Variants in MGAT4A observed in about 807,000 individuals in gnomAD.
MGAT4A encodes the protein N-acetylglucosaminyltransferase IVa.
In MGAT4A, 33 loss-of-function variants were observed where a neutral mutation model predicts 74.1. The observed-to-expected ratio is 0.45, with a 90% CI of 0.34 to 0.60. MGAT4A has a LOEUF of 0.60. Ranked by LOEUF, MGAT4A falls within the 20% of genes least tolerant of loss-of-function variation. The pLI is 0.02. For missense variants in MGAT4A, 479 were observed against 628.3 expected (o/e 0.76, Z 2.54); for synonymous variants, 198 against 210.4 (o/e 0.94, Z 0.51).
chr2:98,723,571 G>C (rs989743947), intron 2 of MGAT4A, among the ~76,000 whole-genome samples: 2 of 152,160 alleles, frequency 1.3e-5, no homozygotes, highest in Admixed American at 1.3e-4. Flanking sequence ...ATCCATACAA[G>C]AACCTTGCAG....
At chr2:98,720,824 A>G (rs1008878280) in intron 2 of MGAT4A, among the ~76,000 whole-genome samples, 3 of 152,234 alleles carry the variant, frequency 2.0e-5, no homozygotes, top group African/African-American at 7.2e-5. Flanking sequence ...TAAGCACACC[A>G]CCACATGTGT....
At chr2:98,693,016 G>A (rs1296880649) in intron 2 of MGAT4A, among the ~76,000 whole-genome samples, 1 of 152,130 alleles carries the variant, frequency 6.6e-6, no homozygotes, top group Non-Finnish European at 1.5e-5. Context: ...ACAATTGAAC[G>A]TTAGAAAACT....
intron 8 of MGAT4A, among the ~76,000 whole-genome samples, chr2:98,646,229 T>C (rs895899858): frequency 4.6e-5 from 7 of 151,986 alleles, no homozygotes; most frequent in African/African-American, 1.7e-4. Flanking sequence ...TAAAATAAAA[T>C]ACACTTTTTC....
chr2:98,715,817 AT>A (rs1702584970), intron 2 of MGAT4A, among the ~76,000 whole-genome samples: 1 of 152,240 alleles, frequency 6.6e-6, no homozygotes, highest in Non-Finnish European at 1.5e-5. Flanking sequence ...GCAGGCAAAA[AT>A]CATCAAAGGA....
intron 3 of MGAT4A, among the ~76,000 whole-genome samples, chr2:98,677,705 G>A (rs1030786821): frequency 3.3e-5 from 5 of 151,820 alleles, no homozygotes; most frequent in African/African-American, 7.2e-5. Context: ...TGCCCGTCTC[G>A]GCCTCCCAAA....
chr2:98,652,521 C>T (rs1294685446), intron 8 of MGAT4A, among the ~76,000 whole-genome samples: 3 of 152,026 alleles, frequency 2.0e-5, no homozygotes, highest in African/African-American at 2.4e-5. Context: ...TTAGTAGAGA[C>T]GGAGTTTCAC....
At chr2:98,667,457 T>C (rs1701851481) in intron 4 of MGAT4A, among the ~76,000 whole-genome samples, 1 of 152,108 alleles carries the variant, frequency 6.6e-6, no homozygotes, top group Non-Finnish European at 1.5e-5. Flanking sequence ...CTGATAATGA[T>C]ATGGACAATG....
intron 4 of MGAT4A, among the ~76,000 whole-genome samples, chr2:98,667,890 T>C (rs1251932908): frequency 1.3e-5 from 2 of 152,074 alleles, no homozygotes; most frequent in Non-Finnish European, 2.9e-5. Flanking sequence ...CAGATAAGTT[T>C]TGTATTTTTA....
At chr2:98,708,167 T>C (rs1401022029) in intron 2 of MGAT4A, among the ~76,000 whole-genome samples, 2 of 151,954 alleles carry the variant, frequency 1.3e-5, no homozygotes, top group African/African-American at 4.8e-5. Flanking sequence ...TGGGTCTCAC[T>C]ATGTTGCCCA....
intron 5 of MGAT4A, among the ~76,000 whole-genome samples, chr2:98,662,372 T>C: frequency 6.6e-6 from 1 of 152,328 alleles, no homozygotes; most frequent in East Asian, 1.9e-4. Flanking sequence ...ATTTATGTAA[T>C]TGTTTTGAAC....
intron 12 of MGAT4A, 130 bp downstream of exon 12, chr2:98,639,678 T>C (rs2104233026): frequency 1.5e-6 from 1 of 667,654 alleles, no homozygotes; most frequent in East Asian, 2.8e-5. Context: ...ACATGTAATT[T>C]AAAGCCCAAC....
intron 12 of MGAT4A, among the ~76,000 whole-genome samples, chr2:98,638,378 A>G (rs1053379648): frequency 6.6e-6 from 1 of 152,254 alleles, no homozygotes; most frequent in Non-Finnish European, 1.5e-5. Context: ...GATATTCTAT[A>G]AAGTTATAAA....
At chr2:98,725,948 G>A (rs775422622) in intron 2 of MGAT4A, 7 of 406,816 alleles carry the variant, frequency 1.7e-5, no homozygotes, top group African/African-American at 1.0e-4. Context: ...ATGCCAAAAC[G>A]AAAGTCTTTA....
intron 5 of MGAT4A, among the ~76,000 whole-genome samples, chr2:98,662,261 C>T (rs2104270187): frequency 6.6e-6 from 1 of 152,296 alleles, no homozygotes; most frequent in South Asian, 2.1e-4. Context: ...ATTTCTGCAA[C>T]TTTCTGTAAA....
chr2:98,657,814 A>G (rs1701681183), intron 6 of MGAT4A, among the ~76,000 whole-genome samples: 1 of 152,216 alleles, frequency 6.6e-6, no homozygotes, highest in Admixed American at 6.5e-5. Context: ...GCAGAATACA[A>G]CAGATTAAGA....
At chr2:98,677,790 G>A (rs1169495093) in intron 3 of MGAT4A, among the ~76,000 whole-genome samples, 1 of 147,412 alleles carries the variant, frequency 6.8e-6, no homozygotes, top group East Asian at 2.0e-4. Flanking sequence ...ATCAGATTTA[G>A]CAGGTAATAA....
chr2:98,646,656 A>G (rs1307385161), intron 8 of MGAT4A, among the ~76,000 whole-genome samples: 1 of 152,200 alleles, frequency 6.6e-6, no homozygotes, highest in African/African-American at 2.4e-5. Context: ...GGACTTATAT[A>G]GAAAGGATAC....
chr2:98,672,599 T>A (rs1701926109), intron 4 of MGAT4A, among the ~76,000 whole-genome samples: 1 of 152,198 alleles, frequency 6.6e-6, no homozygotes, highest in South Asian at 2.1e-4. Context: ...AGCTGGTAAT[T>A]CCCTCTTTTC....
Position 98,726,585 on chromosome 2 carries a change from G to T in MGAT4A, c.-235-18C>A, listed in dbSNP as rs531159325. 2.4e-6 allele frequency: 1 copy of T among 410,448 alleles called. No individual in the cohort carries two copies. The highest frequency in any genetic ancestry group is 2.0e-5 in the African/African-American group (1 of 49,664). 25.4% of individuals were successfully genotyped at this position (410,448 alleles called of 1,614,324 possible). ...TTCCCTTCCTATTCAGGGGAAAAGAGAAAGTCAAGCTCATTCGGTAATGCA... is the reference window on the plus strand; with the variant it reads ...TTCCCTTCCTATTCAGGGGAAAAGATAAAGTCAAGCTCATTCGGTAATGCA... On this transcript the variant is annotated intron_variant, in intron 1 of 15. Coordinates refer to ENST00000393487, the MANE Select transcript of MGAT4A (RefSeq NM_012214.3).
Sources: allele counts gnomAD v4.1 joint callset (sites outside exome capture counted in the v4.1 genomes callset), GRCh38; gene constraint gnomAD v4.1.1; transcripts MANE v1.5; gene names NCBI Gene and HGNC (gene_info 2026-07-23, HGNC 2026-07-21).